Variants in MOV10L1 observed in about 807,000 individuals in gnomAD.
The protein encoded by MOV10L1 is Mov10 like RNA helicase 1.
MOV10L1 carries 110 observed loss-of-function variants against 143.8 expected under a neutral mutation model. The observed-to-expected ratio is 0.76, with a 90% CI of 0.66 to 0.90. MOV10L1 has a LOEUF of 0.90. Among genes scored for constraint, MOV10L1 ranks in the 40% least tolerant of loss-of-function variants. The pLI is 0.00. For synonymous variants in MOV10L1, 593 were observed against 581.1 expected (o/e 1.02, Z -0.29); for missense variants, 1,406 against 1,526.8 (o/e 0.92, Z 1.32).
At chr22:50,145,909 G>C in intron 19 of MOV10L1, 99 bp downstream of exon 19, 1 of 1,534,952 alleles carries the variant, frequency 6.5e-7, no homozygotes, top group Non-Finnish European at 8.9e-7. Flanking sequence ...CAGAGACTCA[G>C]TGCTCAGGGA....
chr22:50,115,314 A>G, intron 8 of MOV10L1, 68 bp downstream of exon 8: 1 of 1,420,064 alleles, frequency 7.0e-7, no homozygotes, highest in Non-Finnish European at 9.2e-7. Flanking sequence ...GTTGGGTGTT[A>G]TAAAAGGTAC....
chr22:50,148,900 G>A (rs1389485116), intron 19 of MOV10L1, among the ~76,000 whole-genome samples: 1 of 152,242 alleles, frequency 6.6e-6, no homozygotes, highest in Middle Eastern at 3.4e-3. Flanking sequence ...TCCTGACCTC[G>A]TGATCCACCC....
At chr22:50,128,745 A>G (rs566088062) in intron 13 of MOV10L1, among the ~76,000 whole-genome samples, 12 of 151,508 alleles carry the variant, frequency 7.9e-5, no homozygotes, top group Non-Finnish European at 1.5e-4. Flanking sequence ...GTGTTTCACC[A>G]TATTGGCCAG....
chr22:50,114,992 G>A (rs935778054), intron 7 of MOV10L1, 122 bp from the exon 8 acceptor site: 64 of 1,105,698 alleles, frequency 5.8e-5, no homozygotes, highest in Admixed American at 5.6e-5. Context: ...GCTTTGCCCC[G>A]TGTTTTTGTG....
At chr22:50,153,540 G>T (rs1216505924) in intron 22 of MOV10L1, among the ~76,000 whole-genome samples, 7 of 152,204 alleles carry the variant, frequency 4.6e-5, no homozygotes, top group Non-Finnish European at 1.0e-4. Flanking sequence ...GGGCCATGTG[G>T]CTGGGGACGC....
intron 6 of MOV10L1, 61 bp downstream of exon 6, chr22:50,113,849 C>T (rs4838839): frequency 0.24 from 316,694 of 1,318,396 alleles, 38,416 homozygotes; most frequent in Admixed American, 0.39. Context: ...CACTATGACT[C>T]AATAATTTCT....
At chr22:50,128,337 G>A in intron 12 of MOV10L1, 79 bp from the exon 13 acceptor site, 1 of 828,942 alleles carries the variant, frequency 1.2e-6, no homozygotes, top group African/African-American at 1.7e-5. Context: ...GCTATAGAAT[G>A]AATTTTTGAT....
At chr22:50,098,253 A>ATTAACATCTTAATAATAATTATTAAGT in intron 2 of MOV10L1, among the ~76,000 whole-genome samples, 1 of 124,616 alleles carries the variant, frequency 8.0e-6, no homozygotes, top group Non-Finnish European at 1.8e-5. Flanking sequence ...AATTATTAAG[A>ATTAACATCTTAATAATAATTATTAAGT]TTAACATCTT....
Position 50,099,503 on chromosome 22 carries a change from T to C in MOV10L1, c.343T>C (p.Cys115Arg), listed in dbSNP as rs770996969. The C allele has an allele frequency of 1.8e-5, 29 of 1,614,080 alleles. No individual in the cohort carries two copies. In the Admixed American group the frequency reaches 2.2e-4, roughly 12 times the overall value. Reference protein sequence around the residue: ...DSRNHGSPSDCGPRVLIGCVT... With the variant: ...DSRNHGSPSDRGPRVLIGCVT... The stretch of plus-strand genomic sequence containing the variant: ...CAGAAACCATGGGAGTCCCTCAGAC[T>C]GCGGCCCCCGAGTGTTGATTGGCTG... The change falls in exon 3 of 27, where the codon TGC (cysteine) becomes CGC (arginine). Residue 115 changes from cysteine (C) to arginine (R), a missense_variant. Physicochemically the swap from Cys to Arg is radical, Grantham distance 180. Coordinates refer to ENST00000262794, the MANE Select transcript of MOV10L1 (RefSeq NM_018995.3).
chr22:50,155,364 G>A (rs1033177403), intron 22 of MOV10L1, among the ~76,000 whole-genome samples: 48 of 150,984 alleles, frequency 3.2e-4, no homozygotes, highest in African/African-American at 1.0e-3. Context: ...AGGTTCAAGC[G>A]ATTCTCGTGC....
At chr22:50,114,676 G>T in intron 7 of MOV10L1, 54 bp downstream of exon 7, 1 of 1,597,794 alleles carries the variant, frequency 6.3e-7, no homozygotes. Context: ...GGGGGCCGTG[G>T]GGTTGTGAGT....
In MOV10L1 at chr22:50,128,540, CTTTTTTT is replaced by C. The variant is rs36022529; in HGVS notation, c.1910+49_1910+55del. 97 of 487,754 alleles carry C rather than the reference CTTTTTTT, an allele frequency of 2.0e-4. 1 individual carries two copies. The highest frequency in any genetic ancestry group is 2.4e-4 in the Admixed American group (6 of 24,978). 30.2% of individuals were successfully genotyped at this position (487,754 alleles called of 1,614,324 possible). On this transcript the variant is annotated intron_variant, in intron 13 of 26. Coordinates refer to ENST00000262794, the MANE Select transcript of MOV10L1 (RefSeq NM_018995.3). ...TTTTAGTGAGTCTTCTTTCAAATGTCTTTTTTTTTTTTTTTTTTTTTTGAGACTGGGT... is the reference window on the plus strand; with the variant it reads ...TTTTAGTGAGTCTTCTTTCAAATGTCTTTTTTTTTTTTTTTGAGACTGGGT...
intron 5 of MOV10L1, among the ~76,000 whole-genome samples, chr22:50,111,641 C>A (rs2062024921): frequency 6.6e-6 from 1 of 151,692 alleles, no homozygotes; most frequent in Non-Finnish European, 1.5e-5. Context: ...GTAGCTGGGA[C>A]TATAGGCACC....
At chr22:50,155,263 G>GT (rs199534596) in intron 22 of MOV10L1, among the ~76,000 whole-genome samples, 44,680 of 137,732 alleles carry the variant, frequency 0.32, 8,348 homozygotes, top group Non-Finnish European at 0.44. Context: ...TGTTTTGTGG[G>GT]TTTTTTTTTT....
intron 3 of MOV10L1, among the ~76,000 whole-genome samples, chr22:50,103,751 ATC>A (rs1467770578): frequency 1.3e-5 from 2 of 152,148 alleles, no homozygotes; most frequent in African/African-American, 2.4e-5. Context: ...TGGGTCACAC[ATC>A]AGGTGATTTC....
At chr22:50,144,712 G>A (rs374851992) in intron 18 of MOV10L1, among the ~76,000 whole-genome samples, 1 of 150,058 alleles carries the variant, frequency 6.7e-6, no homozygotes, top group East Asian at 2.0e-4. Flanking sequence ...CTCCCAAGTA[G>A]CTGGGACTAC....
chr22:50,098,268 A>ATAATTATTAAGAT (rs1395852603), intron 2 of MOV10L1, among the ~76,000 whole-genome samples: 3 of 83,844 alleles, frequency 3.6e-5, no homozygotes, highest in East Asian at 2.9e-4. Flanking sequence ...CATCTTAATA[A>ATAATTATTAAGAT]TCACATAATC....
intron 10 of MOV10L1, among the ~76,000 whole-genome samples, chr22:50,123,228 T>C (rs1039433000): frequency 1.1e-4 from 16 of 152,052 alleles, no homozygotes; most frequent in Admixed American, 6.6e-5. Flanking sequence ...ATTCAATTGC[T>C]TTTTCTGTAT....
chr22:50,099,631 GA>G, intron 3 of MOV10L1, 29 bp downstream of exon 3: 1 of 1,582,124 alleles, frequency 6.3e-7, no homozygotes, highest in Non-Finnish European at 8.6e-7. Flanking sequence ...GTTCCACATT[GA>G]AAATTAGGTT....
Sources: allele counts gnomAD v4.1 joint callset (sites outside exome capture counted in the v4.1 genomes callset), GRCh38; gene constraint gnomAD v4.1.1; transcripts MANE v1.5; gene names NCBI Gene and HGNC (gene_info 2026-07-23, HGNC 2026-07-21).